Variants in FERMT2 observed in about 807,000 individuals in gnomAD.
FERMT2 encodes the protein fermitin family homolog 2.
A neutral mutation model predicts 82.7 loss-of-function variants in FERMT2; 15 were observed. The observed-to-expected ratio is 0.18, with a 90% CI of 0.12 to 0.28. FERMT2 has a LOEUF of 0.28. Among genes scored for constraint, FERMT2 ranks in the 10% least tolerant of loss-of-function variants. The probability of loss-of-function intolerance (pLI) is 1.00; values close to 1 mark genes in which losing one functional copy is unlikely to be tolerated. For synonymous variants in FERMT2, 274 were observed against 271.5 expected (o/e 1.01, Z -0.09); for missense variants, 645 against 809.4 (o/e 0.80, Z 2.46).
Position 52,872,934 on chromosome 14 carries a change from A to G in FERMT2, c.1149-11T>C. On this transcript the variant is annotated splice_polypyrimidine_tract_variant and intron_variant, in intron 9 of 14. Transcript: ENST00000341590. ...GTCAGCTTTTTTGGCCTATGTATCA[A>G]AGAGAATTAACAACAAAATCACTTG... The G allele has an allele frequency of 1.2e-6, 2 of 1,611,786 alleles. No homozygotes were observed. Among genetic ancestry groups the G allele is most frequent in the Non-Finnish European group, 1.7e-6 (2 of 1,178,886 alleles).
Position 52,858,436 on chromosome 14 carries a change from C to A in FERMT2, c.1984G>T (p.Asp662Tyr). Residue 662 changes from aspartate to tyrosine, a missense_variant, in exon 15 of 15, where the codon GAC (aspartate) becomes TAC (tyrosine). Transcript: ENST00000341590. ...TCTTCATCTAAACTCTCGTTTTGGT[C>A]TTTTGCACGTGTTGAGAGAAATATG... Reference protein sequence around the residue: ...GYIFLSTRAKDQNESLDEEMF... With the variant: ...GYIFLSTRAKYQNESLDEEMF... 1 of 1,614,130 alleles carries A rather than the reference C, an allele frequency of 6.2e-7. No individual in the cohort carries two copies. Among genetic ancestry groups the A allele is most frequent in the Non-Finnish European group, 8.5e-7 (1 of 1,180,006 alleles).
rs1345829476 is a variant in FERMT2, at chr14:52,944,465, A to T, written c.157+5947T>A. Among the ~76,000 whole-genome samples the T allele has an allele frequency of 2.6e-5, 4 of 152,344 alleles. No homozygotes were observed. The East Asian group carries it at 7.7e-4, about 29-fold the overall frequency. On this transcript the variant is annotated intron_variant, in intron 2 of 14. Coordinates refer to ENST00000341590, the MANE Select transcript of FERMT2 (RefSeq NM_006832.3). ...CACCTTCCCCAGGGAGCACTAAGCCAGGGTATAAGGGAGCTGTCCAGTTAC... is the reference window on the plus strand; with the variant it reads ...CACCTTCCCCAGGGAGCACTAAGCCTGGGTATAAGGGAGCTGTCCAGTTAC...
At chr14:52,860,715 C>G in intron 12 of FERMT2, 2 of 558,036 alleles carry the variant, frequency 3.6e-6, no homozygotes. Context: ...AGTTGCCACA[C>G]TTGAGACATA....
Position 52,874,121 on chromosome 14 carries a change from C to A in FERMT2, c.1148+56G>T, listed in dbSNP as rs938447918. On this transcript the variant is annotated intron_variant, in intron 9 of 14. Coordinates refer to ENST00000341590, the MANE Select transcript of FERMT2 (RefSeq NM_006832.3). Reference sequence around the variant, plus strand: ...TAACAGTTAGTTTCAATAATGTGACCATGACTATAAAGCTGACAGTTATTA... The same window carrying A: ...TAACAGTTAGTTTCAATAATGTGACAATGACTATAAAGCTGACAGTTATTA... 60 of 1,145,004 alleles carry A rather than the reference C, an allele frequency of 5.2e-5. 1 individual carries two copies. In the African/African-American group the frequency reaches 7.4e-4, roughly 14 times the overall value. The allele number at this position is 1,145,004 out of a possible 1,614,324, so 70.9% of individuals were successfully genotyped here.
intron 2 of FERMT2, among the ~76,000 whole-genome samples, chr14:52,922,263 C>T (rs1888997108): frequency 6.6e-6 from 1 of 152,088 alleles, no homozygotes; most frequent in Non-Finnish European, 1.5e-5. Context: ...AAGGGTTACT[C>T]CTGGGGCCAT....
chr14:52,858,515 G>T lies in FERMT2; in HGVS notation c.1905C>A (p.Ser635=), dbSNP rs1234763651. 1 of 1,613,946 alleles carries T rather than the reference G, an allele frequency of 6.2e-7. No homozygotes were observed. Among genetic ancestry groups the T allele is most frequent in the Admixed American group, 1.7e-5 (1 of 59,988 alleles). The change falls in exon 15 of 15, where the codon TCC becomes TCA. Residue 635 remains serine, a synonymous_variant. Transcript: ENST00000341590. ...TGCAATCTACTTCAGTACAAATGAA[G>T]GACAATCGTACTTCATCTGCAAACT... ...TVEFADEVRL[S]FICTEVDCKV... is the part of the protein sequence containing the mutation.
intron 2 of FERMT2, among the ~76,000 whole-genome samples, chr14:52,940,290 C>A (rs1479039262): frequency 6.6e-6 from 1 of 152,120 alleles, no homozygotes; most frequent in Non-Finnish European, 1.5e-5. Flanking sequence ...AAAACGTAAA[C>A]CTCAAATTTT....
chr14:52,864,866 A>G lies in FERMT2; in HGVS notation c.1274-13T>C, dbSNP rs372279187. The G allele has an allele frequency of 6.9e-7, 1 of 1,457,864 alleles. No individual in the cohort carries two copies. Among genetic ancestry groups the G allele is most frequent in the African/African-American group, 1.4e-5 (1 of 70,790 alleles). The allele number at this position is 1,457,864 out of a possible 1,614,324, so 90.3% of individuals were successfully genotyped here. A position where few individuals can be genotyped will look rare whatever the true frequency, so the allele number is the denominator to read the frequency against. ...GTAACTTCACATCCTGTAACAAAAAATTTTTATTAAAATGGCTAAATTTAC... is the reference window on the plus strand; with the variant it reads ...GTAACTTCACATCCTGTAACAAAAAGTTTTTATTAAAATGGCTAAATTTAC... On this transcript the variant is annotated splice_polypyrimidine_tract_variant and intron_variant, in intron 10 of 14. Transcript: ENST00000341590.
At chr14:52,860,699 G>T (rs1594922209) in intron 12 of FERMT2, 1 of 562,678 alleles carries the variant, frequency 1.8e-6, no homozygotes, top group East Asian at 3.0e-5. Context: ...ACTATTAGGA[G>T]TACATAGTTG....
chr14:52,878,054 T>G (rs1177151662), intron 7 of FERMT2, among the ~76,000 whole-genome samples: 3 of 152,150 alleles, frequency 2.0e-5, no homozygotes, highest in African/African-American at 7.2e-5. Context: ...AAAAAACTGG[T>G]TTAATCTAAG....
At chr14:52,883,959 C>A (rs918830826) in intron 4 of FERMT2, among the ~76,000 whole-genome samples, 3 of 152,174 alleles carry the variant, frequency 2.0e-5, no homozygotes, top group African/African-American at 7.2e-5. Context: ...CACCATGCTT[C>A]CTGGACAGCC....
Position 52,860,431 on chromosome 14 carries a change from A to G in FERMT2, c.1637T>C (p.Val546Ala). ...TARILEAHQN[V>A]AQMSLIEAKM... ...GGCTTCAATTAGACTCATCTGAGCT[A>G]CATTCTGATGGGCCTCCAAGATTCT... Residue 546 changes from valine (V) to alanine (A), a missense_variant, in exon 13 of 15, where the codon GTA becomes GCA. Physicochemically the swap from Val to Ala is moderately conservative, Grantham distance 64. Transcript: ENST00000341590. The G allele has an allele frequency of 6.2e-7, 1 of 1,612,764 alleles. No homozygotes were observed. Among genetic ancestry groups the G allele is most frequent in the East Asian group, 2.2e-5 (1 of 44,824 alleles).
chr14:52,937,489 C>G lies in FERMT2; in HGVS notation c.157+12923G>C, dbSNP rs139650499. 2.6e-5 allele frequency among the ~76,000 whole-genome samples: 4 copies of G among 152,194 alleles called. No homozygotes were observed. The East Asian group carries it at 7.7e-4, about 29-fold the overall frequency. On this transcript the variant is annotated intron_variant, in intron 2 of 14. Coordinates refer to ENST00000341590, the MANE Select transcript of FERMT2 (RefSeq NM_006832.3). Reference sequence around the variant, plus strand: ...CACCCTGTCTCTCTTTAAATAAGGCCAGTTATTACTCACGACTCTAAACCT... The same window carrying G: ...CACCCTGTCTCTCTTTAAATAAGGCGAGTTATTACTCACGACTCTAAACCT...
chr14:52,885,665 ATATT>A (rs1310103853), intron 4 of FERMT2, among the ~76,000 whole-genome samples: 3 of 151,446 alleles, frequency 2.0e-5, no homozygotes, highest in Non-Finnish European at 4.4e-5. Context: ...CCTACTGTAG[ATATT>A]TAAAACCCGA....
At chr14:52,873,873 A>T (rs1365545159) in intron 9 of FERMT2, among the ~76,000 whole-genome samples, 1 of 152,120 alleles carries the variant, frequency 6.6e-6, no homozygotes, top group Non-Finnish European at 1.5e-5. Flanking sequence ...ACTGCTTCCA[A>T]CTGAGGCCCG....
intron 2 of FERMT2, among the ~76,000 whole-genome samples, chr14:52,931,201 T>C (rs1396637687): frequency 6.6e-6 from 1 of 152,124 alleles, no homozygotes; most frequent in African/African-American, 2.4e-5. Context: ...TAATAAGAAT[T>C]ACCATCCCAG....
At chr14:52,860,300 T>C in intron 13 of FERMT2, 41 bp downstream of exon 13, 1 of 1,599,386 alleles carries the variant, frequency 6.3e-7, no homozygotes, top group Non-Finnish European at 8.5e-7. Flanking sequence ...TAAGCAAAAA[T>C]GCAGATTAAG....
At position 52,878,725 on chromosome 14, in the gene FERMT2, A is replaced by AC. The variant is rs577010430; in HGVS notation, c.856-37dup. 2.0e-4 allele frequency: 219 copies of AC among 1,092,584 alleles called. 1 individual carries two copies. In the African/African-American group the frequency reaches 3.2e-3, roughly 16 times the overall value. 67.7% of individuals were successfully genotyped at this position (1,092,584 alleles called of 1,614,324 possible). A position where few individuals can be genotyped will look rare whatever the true frequency, so the allele number is the denominator to read the frequency against. On this transcript the variant is annotated intron_variant, in intron 6 of 14. Transcript: ENST00000341590. ...AGAAATAGTTCTTTTGTAATATATAACCTTTACCATTGAAAAATTTCAAAC... is the reference window on the plus strand; with the variant it reads ...AGAAATAGTTCTTTTGTAATATATAACCCTTTACCATTGAAAAATTTCAAAC...
chr14:52,859,749 G>A, intron 13 of FERMT2, 35 bp from the exon 14 acceptor site: 1 of 1,353,888 alleles, frequency 7.4e-7, no homozygotes, highest in Non-Finnish European at 1.0e-6. Flanking sequence ...TTAAAAACAT[G>A]TTGTGGGGGA....
Sources: gnomAD v4.1 joint callset for allele counts (sites outside exome capture counted in the v4.1 genomes callset) on GRCh38, gnomAD v4.1.1 for gene constraint, MANE v1.5 for transcripts, NCBI Gene and HGNC (gene_info 2026-07-23, HGNC 2026-07-21) for gene names.